The following TMEM260 variants were observed in gnomAD, a reference collection of about 807,000 sequenced individuals.
The protein encoded by TMEM260 is protein O-mannosyl-transferase TMEM260.
TMEM260 carries 82 observed loss-of-function variants against 88.9 expected under a neutral mutation model. That is an observed-to-expected ratio of 0.92 (90% CI 0.77 to 1.11). TMEM260 has a LOEUF of 1.11. TMEM260 is among the 50% of genes least tolerant of loss of function. TMEM260 has a pLI of 0.00. For missense variants in TMEM260, 902 were observed against 853.4 expected (o/e 1.06, Z -0.71); for synonymous variants, 314 against 309.3 (o/e 1.02, Z -0.16).
downstream of TMEM260, among the ~76,000 whole-genome samples, chr14:56,652,015 T>C (rs1340217305): frequency 2.0e-5 from 3 of 152,240 alleles, no homozygotes; most frequent in Non-Finnish European, 2.9e-5. Flanking sequence ...AATGAAATAT[T>C]CCCTTAGATA....
intron 3 of TMEM260, among the ~76,000 whole-genome samples, chr14:56,599,491 A>G (rs1451961455): frequency 6.6e-6 from 1 of 152,168 alleles, no homozygotes; most frequent in African/African-American, 2.4e-5. Flanking sequence ...ATTTTTCCAT[A>G]ACAGATGTTT....
chr14:56,624,302 G>C (rs1481689208), intron 11 of TMEM260, among the ~76,000 whole-genome samples: 4 of 152,132 alleles, frequency 2.6e-5, no homozygotes, highest in African/African-American at 9.7e-5. Context: ...GGCCAGGTGT[G>C]GTGGCTCACG....
chr14:56,594,005 A>G (rs1886053559), intron 3 of TMEM260, among the ~76,000 whole-genome samples: 1 of 152,126 alleles, frequency 6.6e-6, no homozygotes, highest in Non-Finnish European at 1.5e-5. Context: ...CTTTTATAAT[A>G]CAAGGGCTGT....
intron 3 of TMEM260, among the ~76,000 whole-genome samples, chr14:56,594,472 T>C (rs1284509282): frequency 6.6e-6 from 1 of 152,246 alleles, no homozygotes; most frequent in Non-Finnish European, 1.5e-5. Flanking sequence ...ATAAGCATAT[T>C]TGTTCAAAAG....
chr14:56,604,137 G>C, intron 4 of TMEM260, 145 bp downstream of exon 4: 1 of 792,648 alleles, frequency 1.3e-6, no homozygotes, highest in Non-Finnish European at 1.8e-6. Flanking sequence ...AATGATCTCA[G>C]TCTTTTTTAT....
chr14:56,657,284 A>G, the TMEM260 span, among the ~76,000 whole-genome samples: 1 of 151,160 alleles, frequency 6.6e-6, no homozygotes, highest in Non-Finnish European at 1.5e-5. Flanking sequence ...TTTGTAAATG[A>G]GCACCCCATT....
chr14:56,608,658 T>C (rs1266247370), intron 5 of TMEM260, among the ~76,000 whole-genome samples: 2 of 151,524 alleles, frequency 1.3e-5, no homozygotes, highest in Non-Finnish European at 2.9e-5. Context: ...TGTCAACATA[T>C]AATCATAGTA....
chr14:56,630,413 C>A (rs185482832), intron 12 of TMEM260, among the ~76,000 whole-genome samples: 1 of 152,204 alleles, frequency 6.6e-6, no homozygotes, highest in East Asian at 1.9e-4. Context: ...TATTGTCCCA[C>A]AGATGCCTGA....
chr14:56,598,076 G>C (rs1208742838), intron 3 of TMEM260, among the ~76,000 whole-genome samples: 1 of 152,164 alleles, frequency 6.6e-6, no homozygotes, highest in Non-Finnish European at 1.5e-5. Flanking sequence ...GCTGGGAACA[G>C]ATCTGTTTTT....
At position 56,615,942 on chromosome 14, in the gene TMEM260, A is replaced by C. The variant is rs991461039; in HGVS notation, c.858-2A>C. 1 of 1,607,910 alleles carries C rather than the reference A, an allele frequency of 6.2e-7. No individual in the cohort carries two copies. On this transcript the variant is annotated splice_acceptor_variant, in intron 7 of 15. Transcript: ENST00000261556. LOFTEE classifies it high-confidence loss of function. ...AACAATAAGTTAGATTGTTTTTTGCAGTTCTCAAGTAACAAATATGAGGAC... is the reference window on the plus strand; with the variant it reads ...AACAATAAGTTAGATTGTTTTTTGCCGTTCTCAAGTAACAAATATGAGGAC...
intron 10 of TMEM260, 87 bp downstream of exon 10, chr14:56,618,850 C>T (rs1241261608): frequency 7.4e-7 from 1 of 1,344,156 alleles, no homozygotes; most frequent in South Asian, 1.4e-5. Context: ...TCATTGTTAA[C>T]TTCTGGTTTT....
At chr14:56,602,267 A>G (rs1440944895) in intron 3 of TMEM260, among the ~76,000 whole-genome samples, 2 of 152,138 alleles carry the variant, frequency 1.3e-5, no homozygotes, top group Non-Finnish European at 2.9e-5. Context: ...TTAAATAAAT[A>G]GAAAGGAGCA....
At chr14:56,609,434 T>C in intron 6 of TMEM260, 149 bp downstream of exon 6, 1 of 700,802 alleles carries the variant, frequency 1.4e-6, no homozygotes, top group Non-Finnish European at 2.3e-6. Context: ...CCCCTTGGAA[T>C]ATGGCCTTTG....
chr14:56,618,769 A>T lies in TMEM260; in HGVS notation c.1226+6A>T, dbSNP rs957001555. ...CAAATATATTCTAATTACAGGTAATACATGGTTATTTTTATGAAAAGTAGC... is the reference window on the plus strand; with the variant it reads ...CAAATATATTCTAATTACAGGTAATTCATGGTTATTTTTATGAAAAGTAGC... On this transcript the variant is annotated splice_donor_region_variant and intron_variant, in intron 10 of 15. Coordinates refer to ENST00000261556, the MANE Select transcript of TMEM260 (RefSeq NM_017799.4). The T allele has an allele frequency of 1.4e-5, 22 of 1,612,100 alleles. No individual in the cohort carries two copies. The highest frequency in any genetic ancestry group is 3.3e-4 in the Middle Eastern group (2 of 6,016).
downstream of TMEM260, chr14:56,650,343 C>T (rs981293712): frequency 2.4e-4 from 60 of 251,900 alleles, no homozygotes; most frequent in Non-Finnish European, 2.7e-4. Flanking sequence ...CTGGCACGCA[C>T]CAGAGGGCAA....
intron 15 of TMEM260, among the ~76,000 whole-genome samples, chr14:56,646,082 A>G (rs916083144): frequency 6.6e-6 from 1 of 152,200 alleles, no homozygotes; most frequent in African/African-American, 2.4e-5. Flanking sequence ...GGCATGGGCC[A>G]CCGTGCCCAG....
chr14:56,596,767 C>CAAAAAAAAAAA (rs34224409), intron 3 of TMEM260, among the ~76,000 whole-genome samples: 3 of 91,960 alleles, frequency 3.3e-5, no homozygotes, highest in Admixed American at 1.3e-4. Flanking sequence ...GTCTCTGTCT[C>CAAAAAAAAAAA]AAAAAAAAAA....
intron 3 of TMEM260, among the ~76,000 whole-genome samples, chr14:56,593,912 C>T: frequency 6.6e-6 from 1 of 151,436 alleles, no homozygotes; most frequent in Non-Finnish European, 1.5e-5. Context: ...TGGTCTCGAT[C>T]TCCTGACCTC....
chr14:56,654,326 C>T (rs972421860), downstream of TMEM260, among the ~76,000 whole-genome samples: 2 of 152,140 alleles, frequency 1.3e-5, no homozygotes, highest in Admixed American at 6.5e-5. Flanking sequence ...CTGCTAGAAG[C>T]TCAATTTGAA....
Sources: gnomAD v4.1 joint callset for allele counts (sites outside exome capture counted in the v4.1 genomes callset) on GRCh38, gnomAD v4.1.1 for gene constraint, MANE v1.5 for transcripts, NCBI Gene and HGNC (gene_info 2026-07-23, HGNC 2026-07-21) for gene names.